The following RAB1A variants were observed in gnomAD, a reference collection of about 807,000 sequenced individuals.
RAB1A encodes the protein ras-related protein Rab-1A.
In RAB1A, 2 loss-of-function variants were observed where a neutral mutation model predicts 26.0. The observed-to-expected ratio is 0.08, with a 90% confidence interval of 0.03 to 0.24. RAB1A has a LOEUF of 0.24. RAB1A is among the 10% of genes least tolerant of loss of function. The pLI is 1.00. For synonymous variants in RAB1A, 84 were observed against 84.9 expected (o/e 0.99, Z 0.06); for missense variants, 100 against 247.0 (o/e 0.40, Z 3.99).
Position 65,088,476 on chromosome 2 carries a change from A to G in RAB1A, c.*17T>C, listed in dbSNP as rs1669089567. 2 of 1,582,126 alleles carry G rather than the reference A, an allele frequency of 1.3e-6. No homozygotes were observed. The highest frequency in any genetic ancestry group is 1.7e-6 in the Non-Finnish European group (2 of 1,165,152). ...GATTGCAAATTCATTGCTGTGAGAA[A>G]AGGATGGAGGCAAATTTTAGCAGCA... On this transcript the variant is annotated 3_prime_UTR_variant, in exon 6 of 6. Transcript: ENST00000409784.
intron 2 of RAB1A, among the ~76,000 whole-genome samples, chr2:65,102,086 G>A (rs1669444330): frequency 6.6e-6 from 1 of 152,006 alleles, no homozygotes; most frequent in Non-Finnish European, 1.5e-5. Context: ...GACTGCTCAT[G>A]TATTTGCCAC....
intron 1 of RAB1A, among the ~76,000 whole-genome samples, chr2:65,124,464 T>C (rs1347906439): frequency 2.6e-5 from 4 of 152,102 alleles, no homozygotes; most frequent in African/African-American, 9.7e-5. Context: ...TTACTTTATT[T>C]TGAGACAGAG....
intron 1 of RAB1A, among the ~76,000 whole-genome samples, chr2:65,118,416 GAAA>G (rs111885504): frequency 1.3e-5 from 2 of 150,824 alleles, no homozygotes; most frequent in African/African-American, 4.9e-5. Context: ...TTAAAAAACA[GAAA>G]AAAAAACTCA....
At chr2:65,100,731 C>A (rs904718230) in intron 2 of RAB1A, among the ~76,000 whole-genome samples, 1 of 145,494 alleles carries the variant, frequency 6.9e-6, no homozygotes, top group Admixed American at 7.1e-5. Flanking sequence ...TGCACTCCAG[C>A]CTGGGCGACA....
chr2:65,091,344 C>A, intron 3 of RAB1A, among the ~76,000 whole-genome samples: 1 of 152,186 alleles, frequency 6.6e-6, no homozygotes, highest in East Asian at 1.9e-4. Flanking sequence ...TCATACTTTT[C>A]ACATTCCCTA....
At chr2:65,129,589 T>C (rs752777117) in intron 1 of RAB1A, among the ~76,000 whole-genome samples, 3 of 150,830 alleles carry the variant, frequency 2.0e-5, no homozygotes, top group Non-Finnish European at 3.0e-5. Context: ...CGAGAGAAGA[T>C]ACCCCTTCAC....
chr2:65,092,132 G>A (rs1308862328), intron 3 of RAB1A, among the ~76,000 whole-genome samples: 1 of 152,132 alleles, frequency 6.6e-6, no homozygotes, highest in East Asian at 1.9e-4. Context: ...AATTAGCCAA[G>A]TATGCTGGCG....
chr2:65,111,272 C>A (rs1669686784), intron 1 of RAB1A, among the ~76,000 whole-genome samples: 1 of 151,308 alleles, frequency 6.6e-6, no homozygotes, highest in Non-Finnish European at 1.5e-5. Context: ...TGAGGCAGGA[C>A]AGTCACTTGA....
At chr2:65,098,276 C>T (rs146686410) in intron 2 of RAB1A, among the ~76,000 whole-genome samples, 109 of 152,300 alleles carry the variant, frequency 7.2e-4, no homozygotes, top group Non-Finnish European at 1.1e-3. Flanking sequence ...ATTCTGATTA[C>T]AAAGCACTAC....
At chr2:65,118,505 T>C (rs966089668) in intron 1 of RAB1A, among the ~76,000 whole-genome samples, 3 of 152,014 alleles carry the variant, frequency 2.0e-5, no homozygotes, top group African/African-American at 7.2e-5. Context: ...TGAGACAGAG[T>C]TTTGCTCTGT....
chr2:65,100,651 T>C (rs1405208173), intron 2 of RAB1A, among the ~76,000 whole-genome samples: 2 of 148,518 alleles, frequency 1.3e-5, no homozygotes, highest in Non-Finnish European at 3.0e-5. Context: ...ACCTAGCTAG[T>C]CAGGAGACCA....
rs145644931 is a variant in RAB1A at position 65,104,255 on chromosome 2, C to T, written c.96+479G>A. ...TAACTTTTTTTTTCAGAGACAGAGT[C>T]ATGCTATGTTGTCCAGGTTGGTCTC... On this transcript the variant is annotated intron_variant, in intron 2 of 5. Transcript: ENST00000409784. Among the ~76,000 whole-genome samples the T allele has an allele frequency of 1.8e-3, 269 of 152,156 alleles. 1 individual carries two copies. The highest frequency in any genetic ancestry group is 2.5e-3 in the Non-Finnish European group (167 of 67,996).
chr2:65,087,026 G>A lies in RAB1A; in HGVS notation c.*1467C>T, dbSNP rs1669048489. 1.3e-5 allele frequency: 2 copies of A among 152,222 alleles called. No individual in the cohort carries two copies. Among genetic ancestry groups the A allele is most frequent in the African/African-American group, 4.8e-5 (2 of 41,510 alleles). 9.4% of individuals were successfully genotyped at this position (152,222 alleles called of 1,614,324 possible). A position where few individuals can be genotyped will look rare whatever the true frequency, so the allele number is the denominator to read the frequency against. On this transcript the variant is annotated 3_prime_UTR_variant, in exon 6 of 6. Transcript: ENST00000409784. ...CCTATTCATTTTTGGCTTGTGTTTA[G>A]CTTAAATTTTATCATTAAATTAAGG...
intron 1 of RAB1A, among the ~76,000 whole-genome samples, chr2:65,124,827 G>A (rs1009636677): frequency 7.2e-5 from 11 of 151,954 alleles, no homozygotes; most frequent in African/African-American, 2.7e-4. Context: ...ATATTTTAAA[G>A]GTTTTATACA....
chr2:65,092,208 T>TGCAGTGAG, intron 3 of RAB1A, among the ~76,000 whole-genome samples: 1 of 151,690 alleles, frequency 6.6e-6, no homozygotes, highest in South Asian at 2.1e-4. Context: ...AGGCAGAGGT[T>TGCAGTGAG]GCAGTGAGCT....
At chr2:65,094,445 G>A (rs977587346) in intron 3 of RAB1A, among the ~76,000 whole-genome samples, 2 of 152,164 alleles carry the variant, frequency 1.3e-5, no homozygotes, top group South Asian at 2.1e-4. Flanking sequence ...TTAGCCCGGC[G>A]TGGTGGCACA....
intron 1 of RAB1A, among the ~76,000 whole-genome samples, chr2:65,124,725 G>A (rs1159403974): frequency 6.6e-6 from 1 of 152,140 alleles, no homozygotes; most frequent in Non-Finnish European, 1.5e-5. Flanking sequence ...GTGATTATAG[G>A]CATGAGCCAC....
At chr2:65,122,406 A>AG (rs1669987054) in intron 1 of RAB1A, among the ~76,000 whole-genome samples, 1 of 150,750 alleles carries the variant, frequency 6.6e-6, no homozygotes, top group South Asian at 2.1e-4. Flanking sequence ...AAAAAAAAAA[A>AG]AATTAGCCAG....
chr2:65,088,595 A>C lies in RAB1A; in HGVS notation c.516T>G (p.Ile172Met). The C allele has an allele frequency of 6.2e-7, 1 of 1,613,710 alleles. No individual in the cohort carries two copies. The highest frequency in any genetic ancestry group is 8.5e-7 in the Non-Finnish European group (1 of 1,179,796). The change falls in exon 6 of 6, where the codon ATT (isoleucine) becomes ATG (methionine). Residue 172 changes from isoleucine (I) to methionine (M), a missense_variant. Coordinates refer to ENST00000409784, the MANE Select transcript of RAB1A (RefSeq NM_004161.5). ...TTGCTCCGGGACCCATTCGCTTTTT[A>C]ATCTCAGCTGCCATCGTCATGAAAG... ...EQSFMTMAAEIKKRMGPGATA... is the reference protein window; with the variant it reads ...EQSFMTMAAEMKKRMGPGATA...
Sources: gnomAD v4.1 joint callset for allele counts (sites outside exome capture counted in the v4.1 genomes callset) on GRCh38, gnomAD v4.1.1 for gene constraint, MANE v1.5 for transcripts, NCBI Gene and HGNC (gene_info 2026-07-23, HGNC 2026-07-21) for gene names.